The following GALNTL6 variants were observed in gnomAD, a reference collection of about 807,000 sequenced individuals.
The protein encoded by GALNTL6 is polypeptide N-acetylgalactosaminyltransferase like 6.
GALNTL6 carries 46 observed loss-of-function variants against 73.7 expected under a neutral mutation model. That is an observed-to-expected ratio of 0.62 (90% CI 0.49 to 0.80). The LOEUF is 0.80. Among genes scored for constraint, GALNTL6 ranks in the 30% least tolerant of loss-of-function variants. The pLI is 0.00. For synonymous variants in GALNTL6, 259 were observed against 263.7 expected (o/e 0.98, Z 0.17); for missense variants, 604 against 755.0 (o/e 0.80, Z 2.34).
intron 2 of GALNTL6, among the ~76,000 whole-genome samples, chr4:172,121,875 T>A (rs1469582073): frequency 6.6e-6 from 1 of 151,860 alleles, no homozygotes; most frequent in Non-Finnish European, 1.5e-5. Flanking sequence ...TAATCTCAGT[T>A]TACATAATAG....
intron 5 of GALNTL6, among the ~76,000 whole-genome samples, chr4:172,502,292 A>C (rs1734289010): frequency 6.6e-6 from 1 of 152,172 alleles, no homozygotes; most frequent in Admixed American, 6.5e-5. Flanking sequence ...AAACTCCATA[A>C]TATTTTATGT....
intron 5 of GALNTL6, among the ~76,000 whole-genome samples, chr4:172,562,633 C>A (rs1479700219): frequency 2.0e-5 from 3 of 152,226 alleles, no homozygotes; most frequent in African/African-American, 4.8e-5. Context: ...CCGGCCTCTT[C>A]TCTGACATAA....
chr4:172,660,468 G>A (rs1187737456), intron 5 of GALNTL6, among the ~76,000 whole-genome samples: 1 of 152,216 alleles, frequency 6.6e-6, no homozygotes, highest in Admixed American at 6.5e-5. Context: ...GAAGCGGAAT[G>A]TTGAACTGGA....
intron 8 of GALNTL6, among the ~76,000 whole-genome samples, chr4:172,885,003 C>G (rs1284189989): frequency 1.3e-5 from 2 of 152,060 alleles, no homozygotes; most frequent in Non-Finnish European, 2.9e-5. Flanking sequence ...TATGCCAGTA[C>G]CATGCTATTT....
chr4:172,364,907 A>C (rs181652459), intron 5 of GALNTL6, among the ~76,000 whole-genome samples: 2 of 152,348 alleles, frequency 1.3e-5, no homozygotes, highest in Admixed American at 6.5e-5. Context: ...ATTCAAGTTA[A>C]AACTGCAAAT....
At chr4:172,924,959 C>T (rs1009759209) in intron 8 of GALNTL6, among the ~76,000 whole-genome samples, 4 of 152,140 alleles carry the variant, frequency 2.6e-5, no homozygotes, top group Non-Finnish European at 5.9e-5. Flanking sequence ...GCAAGCTCCA[C>T]CTCCCGGGTT....
At chr4:171,825,685 A>G (rs574775118) in intron 2 of GALNTL6, among the ~76,000 whole-genome samples, 1 of 151,980 alleles carries the variant, frequency 6.6e-6, no homozygotes, top group South Asian at 2.1e-4. Context: ...ATCACTTTAC[A>G]CCTCTTCTCT....
At chr4:172,384,526 G>C (rs770318192) in intron 5 of GALNTL6, among the ~76,000 whole-genome samples, 1 of 151,046 alleles carries the variant, frequency 6.6e-6, no homozygotes, top group Non-Finnish European at 1.5e-5. Context: ...TAAAAGTCTG[G>C]CAATTTTGTT....
At chr4:172,653,472 C>T (rs188429912) in intron 5 of GALNTL6, among the ~76,000 whole-genome samples, 4 of 152,210 alleles carry the variant, frequency 2.6e-5, no homozygotes, top group Middle Eastern at 3.4e-3. Context: ...CTGCCCGCCT[C>T]GGCCTCCCAA....
intron 7 of GALNTL6, among the ~76,000 whole-genome samples, chr4:172,861,587 A>G (rs1744395759): frequency 6.6e-6 from 1 of 152,180 alleles, no homozygotes; most frequent in Non-Finnish European, 1.5e-5. Flanking sequence ...AGTCCTACCA[A>G]TATGGTTTGG....
At chr4:172,693,268 T>G (rs1540471) in intron 5 of GALNTL6, among the ~76,000 whole-genome samples, 14,496 of 152,238 alleles carry the variant, frequency 0.095, 883 homozygotes, top group East Asian at 0.21. Flanking sequence ...CTATTAGGAT[T>G]TGGAAGTGGA....
intron 12 of GALNTL6, among the ~76,000 whole-genome samples, chr4:173,027,186 G>T (rs750055442): frequency 6.6e-6 from 1 of 152,094 alleles, no homozygotes; most frequent in Non-Finnish European, 1.5e-5. Flanking sequence ...GTTTCACCAC[G>T]TTGGCCAGGC....
At chr4:172,390,787 TTTAA>T (rs1743640259) in intron 5 of GALNTL6, among the ~76,000 whole-genome samples, 1 of 152,172 alleles carries the variant, frequency 6.6e-6, no homozygotes, top group Admixed American at 6.5e-5. Flanking sequence ...GCAAAAAAGC[TTTAA>T]TTAATAGTGT....
At chr4:172,592,716 C>A (rs748763727) in intron 5 of GALNTL6, among the ~76,000 whole-genome samples, 9 of 151,536 alleles carry the variant, frequency 5.9e-5, no homozygotes, top group Admixed American at 2.0e-4. Context: ...ATCTATCTAT[C>A]GAGAGAGACT....
chr4:171,870,616 C>T (rs1257715060), intron 2 of GALNTL6, among the ~76,000 whole-genome samples: 1 of 152,026 alleles, frequency 6.6e-6, no homozygotes, highest in Admixed American at 6.6e-5. Context: ...GAATTCCTAA[C>T]CCTGGTGCCT....
chr4:172,303,563 A>C (rs1245221517), intron 3 of GALNTL6, among the ~76,000 whole-genome samples: 1 of 152,114 alleles, frequency 6.6e-6, no homozygotes, highest in Non-Finnish European at 1.5e-5. Flanking sequence ...AATAAATTGT[A>C]TTGTGTATAT....
At chr4:172,299,918 A>G (rs1739845542) in intron 3 of GALNTL6, among the ~76,000 whole-genome samples, 1 of 152,120 alleles carries the variant, frequency 6.6e-6, no homozygotes, top group Non-Finnish European at 1.5e-5. Context: ...ATTCCTGGAT[A>G]TCCTTGTGAA....
chr4:172,709,108 C>T (rs77918734), intron 5 of GALNTL6, among the ~76,000 whole-genome samples: 1,839 of 152,292 alleles, frequency 0.012, 16 homozygotes, highest in Non-Finnish European at 0.018. Flanking sequence ...TGCATGCTTG[C>T]GCACCCTACT....
chr4:172,494,267 C>A (rs1428787464), intron 5 of GALNTL6, among the ~76,000 whole-genome samples: 1 of 152,140 alleles, frequency 6.6e-6, no homozygotes, highest in Non-Finnish European at 1.5e-5. Context: ...TATTGTCAGC[C>A]TTGCTATATA....
Sources: gnomAD v4.1 joint callset for allele counts (sites outside exome capture counted in the v4.1 genomes callset) on GRCh38, gnomAD v4.1.1 for gene constraint, MANE v1.5 for transcripts, NCBI Gene and HGNC (gene_info 2026-07-23, HGNC 2026-07-21) for gene names.